AIFM3: variants seen among roughly 807,000 people sequenced by gnomAD.
The protein encoded by AIFM3 is AIF family member 3, also known as apoptosis-inducing factor 3.
A neutral mutation model predicts 82.7 loss-of-function variants in AIFM3; 71 were observed. The ratio of observed to expected loss-of-function variants is 0.86; its 90% confidence interval spans 0.71 to 1.05. The LOEUF is 1.05. AIFM3 is among the 50% of genes least tolerant of loss of function. AIFM3 has a pLI of 0.00. For synonymous variants in AIFM3, 337 were observed against 329.1 expected, an observed-to-expected ratio of 1.02 and a Z score of -0.26; for missense variants, 748 against 816.7, an observed-to-expected ratio of 0.92 and a Z score of 1.03.
upstream of AIFM3, among the ~76,000 whole-genome samples, chr22:20,966,319 G>A (rs11912974): frequency 1.5e-3 from 235 of 152,350 alleles, 1 homozygote; most frequent in African/African-American, 5.2e-3. Flanking sequence ...GGTGGGGCAG[G>A]TGGCAGTTGA....
Position 20,974,190 on chromosome 22 carries a change from A to C in AIFM3, c.465+18A>C, listed in dbSNP as rs766793609. On this transcript the variant is annotated intron_variant, in intron 5 of 20. Transcript: ENST00000440238. ...AGTTCCAGGTGGGGCCAGGAGTGCG[A>C]TGGGGTGGGAACCTGGGGGTGTGGG... is the stretch of plus-strand genomic sequence containing the variant. The C allele has an allele frequency of 2.8e-6, 4 of 1,421,212 alleles. No individual in the cohort carries two copies. Among genetic ancestry groups the C allele is most frequent in the Non-Finnish European group, 3.8e-6 (4 of 1,046,004 alleles). The allele number at this position is 1,421,212 out of a possible 1,614,324, so 88.0% of individuals were successfully genotyped here.
At chr22:20,970,815 C>CTGG (rs1201756552) in intron 2 of AIFM3, among the ~76,000 whole-genome samples, 1 of 152,230 alleles carries the variant, frequency 6.6e-6, no homozygotes, top group Non-Finnish European at 1.5e-5. Context: ...GTTGCCCAGG[C>CTGG]TGGTCTTGAA....
rs1923606930 is a variant in AIFM3, at chr22:20,975,783, A to C, written c.807+5A>C. The C allele has an allele frequency of 6.2e-7, 1 of 1,611,332 alleles. No homozygotes were observed. The highest frequency in any genetic ancestry group is 1.3e-5 in the African/African-American group (1 of 74,936). On this transcript the variant is annotated splice_donor_5th_base_variant and intron_variant, in intron 9 of 20. Transcript: ENST00000440238. ...GAGGTGCTCACCGAGGCTCAGGTACAGGGTCAAGGGTGGGAAACAGGCCCG... is the reference window on the plus strand; with the variant it reads ...GAGGTGCTCACCGAGGCTCAGGTACCGGGTCAAGGGTGGGAAACAGGCCCG...
At chr22:20,976,625 G>A (rs1923689225) in intron 11 of AIFM3, 26 bp from the exon 12 acceptor site, 1 of 1,611,982 alleles carries the variant, frequency 6.2e-7, no homozygotes, top group African/African-American at 1.3e-5. Flanking sequence ...GCAGGTGCCA[G>A]CCTGCCACCC....
In AIFM3 at chr22:20,980,763, A is replaced by G; in HGVS notation, c.1774A>G (p.Ser592Gly). ...KREVELFVLH[S>G]KTGDMSWLTG... is the part of the protein sequence containing the mutation. ...TTCGTGAAGGCTGTTTGTGCTGCAC[A>G]GCAAGTACGTGTGTCCTTCATGTTG... The change falls in exon 20 of 21, where the codon AGC becomes GGC. Residue 592 changes from serine to glycine, a missense_variant. Physicochemically the swap from Ser to Gly is moderately conservative, Grantham distance 56. Around this residue, in one of 5 missense-constraint regions of AIFM3, gnomAD observed 183 missense variants for 158.2 expected, o/e 1.16. Coordinates refer to ENST00000440238, the MANE Select transcript of AIFM3 (RefSeq NM_001386814.1). 1 of 1,614,206 alleles carries G rather than the reference A, an allele frequency of 6.2e-7. No individual in the cohort carries two copies. The highest frequency in any genetic ancestry group is 8.5e-7 in the Non-Finnish European group (1 of 1,180,028).
Position 20,980,100 on chromosome 22 carries a change from G to T in AIFM3, c.1733G>T (p.Arg578Leu). The T allele has an allele frequency of 6.2e-7, 1 of 1,609,356 alleles. No homozygotes were observed. Among genetic ancestry groups the T allele is most frequent in the Non-Finnish European group, 8.5e-7 (1 of 1,179,974 alleles). ...SKVAEVLASG[R>L]AIRKREVELF... ...GTCGCTGAGGTGCTGGCCTCAGGCC[G>T]TGCCATCCGGAAGCGGGAGGTGGAG... Residue 578 changes from arginine (R) to leucine (L), a missense_variant, in exon 19 of 21, where the codon CGT becomes CTT. Physicochemically the swap from Arg to Leu is moderately radical, Grantham distance 102. This residue lies in a region of AIFM3 where 183 missense variants were observed against 158.2 expected (regional missense o/e 1.16). Coordinates refer to ENST00000440238, the MANE Select transcript of AIFM3 (RefSeq NM_001386814.1).
Position 20,972,175 on chromosome 22 carries a change from C to T in AIFM3, c.32-1132C>T, listed in dbSNP as rs558180793. 1.1e-3 allele frequency among the ~76,000 whole-genome samples: 166 copies of T among 152,274 alleles called. 1 individual carries two copies. Among genetic ancestry groups the T allele is most frequent in the African/African-American group, 3.7e-3 (155 of 41,556 alleles). ...ATCCCAGCATTTTGGGAGGCCGAAGCGGGTGGATCACCTGAGGTCAGGAGT... is the reference window on the plus strand; with the variant it reads ...ATCCCAGCATTTTGGGAGGCCGAAGTGGGTGGATCACCTGAGGTCAGGAGT... On this transcript the variant is annotated intron_variant, in intron 2 of 20. Transcript: ENST00000440238.
In AIFM3 at chr22:20,980,724, TTCTC is replaced by T. The variant is rs762151034; in HGVS notation, c.1758-17_1758-14del. On this transcript the variant is annotated intron_variant, in intron 19 of 20. Transcript: ENST00000440238. ...GCTCTCTCCTTGGCCTTCTCTCCGT[TTCTC>T]TCTCTTGCCTTCGTGAAGGCTGTTT... 2 of 1,614,116 alleles carry T rather than the reference TTCTC, an allele frequency of 1.2e-6. No homozygotes were observed. The highest frequency in any genetic ancestry group is 3.3e-5 in the Admixed American group (2 of 60,022).
chr22:20,980,961 G>T (rs758859945), intron 20 of AIFM3, 31 bp from the exon 21 acceptor site: 1 of 1,614,030 alleles, frequency 6.2e-7, no homozygotes, highest in African/African-American at 1.3e-5. Flanking sequence ...GTTTTCTTCT[G>T]TCTTGACCCC....
Position 20,976,293 on chromosome 22 carries a change from G to C in AIFM3, c.886G>C (p.Ala296Pro). The change falls in exon 10 of 21, where the codon GCA becomes CCA. Residue 296 changes from alanine to proline, a missense_variant. This residue lies in a region of AIFM3 where 393 missense variants were observed against 481.1 expected (regional missense o/e 0.82). Coordinates refer to ENST00000440238, the MANE Select transcript of AIFM3 (RefSeq NM_001386814.1). ...FKLEYSKLLL[A>P]PGSSPKTLSC... Reference sequence around the variant, plus strand: ...GCTGGAGTACAGCAAGCTGCTGCTGGCACCAGGGAGCAGGTGGGAGGGTCT... The same window carrying C: ...GCTGGAGTACAGCAAGCTGCTGCTGCCACCAGGGAGCAGGTGGGAGGGTCT... The C allele has an allele frequency of 6.2e-7, 1 of 1,614,038 alleles. No individual in the cohort carries two copies. The highest frequency in any genetic ancestry group is 8.5e-7 in the Non-Finnish European group (1 of 1,180,034).
At position 20,972,275 on chromosome 22, in the gene AIFM3, G is replaced by A. The variant is rs1225409809; in HGVS notation, c.32-1032G>A. ...AAATTAGTCAGGTGTGGTGGCACAC[G>A]CCTGTAATCCCAGCTGCTCAAGAGG... is the stretch of plus-strand genomic sequence containing the variant. On this transcript the variant is annotated intron_variant, in intron 2 of 20. Transcript: ENST00000440238. Among the ~76,000 whole-genome samples the A allele has an allele frequency of 3.9e-5, 6 of 152,048 alleles. No individual in the cohort carries two copies. The East Asian group carries it at 5.8e-4, about 15-fold the overall frequency.
intron 17 of AIFM3, 43 bp downstream of exon 17, chr22:20,979,412 A>AGGGGCGGGGCTTGGGTGT (rs745356817): frequency 5.1e-6 from 2 of 393,574 alleles, no homozygotes; most frequent in Non-Finnish European, 7.3e-6. Flanking sequence ...GAGGGCGTTT[A>AGGGGCGGGGCTTGGGTGT]GGGGCGGGGC....
chr22:20,977,279 AGGCCT>A, intron 14 of AIFM3, 184 bp downstream of exon 14: 1 of 780,622 alleles, frequency 1.3e-6, no homozygotes, highest in East Asian at 2.7e-5. Flanking sequence ...GGCTCAGCCC[AGGCCT>A]GGCACAGTGG....
chr22:20,978,128 G>A lies in AIFM3; in HGVS notation c.1477+123G>A. ...CACTGTTAGGCATCAAAGCTCTGAT[G>A]TGGATTCTCTGGCCAGCCTCATCTC... is the stretch of plus-strand genomic sequence containing the variant. On this transcript the variant is annotated intron_variant, in intron 16 of 20. Transcript: ENST00000440238. 17 of 914,810 alleles carry A rather than the reference G, an allele frequency of 1.9e-5. No individual in the cohort carries two copies. In the South Asian group the frequency reaches 2.2e-4, roughly 12 times the overall value. The allele number at this position is 914,810 out of a possible 1,614,324, so 56.7% of individuals were successfully genotyped here.
Position 20,975,895 on chromosome 22 carries a change from C to T in AIFM3, c.807+117C>T, listed in dbSNP as rs1280428273. 7.8e-6 allele frequency: 9 copies of T among 1,159,242 alleles called. No homozygotes were observed. The East Asian group carries it at 1.7e-4, about 23-fold the overall frequency. 71.8% of individuals were successfully genotyped at this position (1,159,242 alleles called of 1,614,324 possible). A position where few individuals can be genotyped will look rare whatever the true frequency, so the allele number is the denominator to read the frequency against. On this transcript the variant is annotated intron_variant, in intron 9 of 20. Transcript: ENST00000440238. ...CCTTCCTGGCCCCACAGCCCAGGCACCTGGGAGGTGCTCCAGGCTTGGGAG... is the reference window on the plus strand; with the variant it reads ...CCTTCCTGGCCCCACAGCCCAGGCATCTGGGAGGTGCTCCAGGCTTGGGAG...
In AIFM3 at chr22:20,980,397, G is replaced by C. The variant is rs545927378; in HGVS notation, c.1757+273G>C. On this transcript the variant is annotated intron_variant, in intron 19 of 20. Transcript: ENST00000440238. ...GAAGGGGTCAGGGCCCAATGCATGG[G>C]CAATCACCAGGCGTGGGACACCTAA... 1.6e-4 allele frequency: 96 copies of C among 594,976 alleles called. No individual in the cohort carries two copies. The South Asian group carries it at 1.8e-3, about 11-fold the overall frequency. The allele number at this position is 594,976 out of a possible 1,614,324, so 36.9% of individuals were successfully genotyped here.
chr22:20,976,573 G>A (rs1348893419), intron 11 of AIFM3, 35 bp downstream of exon 11: 4 of 1,613,010 alleles, frequency 2.5e-6, no homozygotes, highest in Non-Finnish European at 3.4e-6. Context: ...TGGTGGTCAG[G>A]TCGTCATGGC....
At chr22:20,970,074 G>C (rs1375149884) in intron 2 of AIFM3, among the ~76,000 whole-genome samples, 1 of 152,154 alleles carries the variant, frequency 6.6e-6, no homozygotes, top group Non-Finnish European at 1.5e-5. Flanking sequence ...AGGAGGAAGT[G>C]CAGCTCTCTT....
rs2147949932 is a variant in AIFM3 at position 20,979,228 on chromosome 22, G to A, written c.1478-43G>A. The A allele has an allele frequency of 3.2e-6, 5 of 1,546,182 alleles. No homozygotes were observed. The South Asian group carries it at 6.0e-5, about 18-fold the overall frequency. ...ATCAGGAGCAGGTAGTGTGGGAGTGGTAAGAGCGAGAGTTAGGGTTCTCAC... is the reference window on the plus strand; with the variant it reads ...ATCAGGAGCAGGTAGTGTGGGAGTGATAAGAGCGAGAGTTAGGGTTCTCAC... On this transcript the variant is annotated intron_variant, in intron 16 of 20. Transcript: ENST00000440238.
Sources: gnomAD v4.1 joint callset for allele counts (sites outside exome capture counted in the v4.1 genomes callset) on GRCh38, gnomAD v4.1.1 for gene constraint, gnomAD v4.1.1 regional missense constraint, MANE v1.5 for transcripts, NCBI Gene and HGNC (gene_info 2026-07-23, HGNC 2026-07-21) for gene names.